Variants in SYT8 observed in about 807,000 individuals in gnomAD.
The protein encoded by SYT8 is synaptotagmin 8, also known as synaptotagmin-8.
A neutral mutation model predicts 34.9 loss-of-function variants in SYT8; 50 were observed. That is an observed-to-expected ratio of 1.43 (90% CI 1.14 to 1.81). SYT8 has a LOEUF of 1.81. Ranked by LOEUF, SYT8 falls within the 40% of genes most tolerant of loss-of-function variation. SYT8 has a pLI of 0.00. For synonymous variants in SYT8, 255 were observed against 234.2 expected (o/e 1.09, Z -0.81); for missense variants, 595 against 529.0 (o/e 1.12, Z -1.22).
In SYT8 at chr11:1,836,288, A is replaced by G. The variant is rs1405348100; in HGVS notation, c.516+4A>G. The G allele has an allele frequency of 7.1e-6, 11 of 1,538,490 alleles. No homozygotes were observed. Among genetic ancestry groups the G allele is most frequent in the Middle Eastern group, 1.7e-4 (1 of 5,760 alleles). ...TGACGAGACCTGCTGCTTCCACGTG[A>G]GTCAGGGATGGTCGGCTGGGTGGGC... On this transcript the variant is annotated splice_donor_region_variant and intron_variant, in intron 4 of 7. Transcript: ENST00000341958.
In SYT8 at chr11:1,837,090, G is replaced by C. The variant is rs751561185; in HGVS notation, c.924G>C (p.Gln308His). Residue 308 changes from glutamine to histidine, a missense_variant and splice_region_variant, in exon 7 of 8, where the codon CAG becomes CAC. Gln to His is a conservative substitution (Grantham distance 24). Coordinates refer to ENST00000341958, the MANE Select transcript of SYT8 (RefSeq NM_001394072.1). The stretch of plus-strand genomic sequence containing the variant: ...TCCTGGTGCCCTTCAGCCAGGTCCA[G>C]GTGGGCCACCGGGAGGCAGGGGCAG... ...FTFLVPFSQV[Q>H]NVDLVLAVWD... is the part of the protein sequence containing the mutation. The C allele has an allele frequency of 1.2e-6, 2 of 1,613,478 alleles. No homozygotes were observed. Among genetic ancestry groups the C allele is most frequent in the East Asian group, 2.2e-5 (1 of 44,892 alleles).
rs1846980925 is a variant in SYT8 at position 1,837,018 on chromosome 11, C to T, written c.852C>T (p.Ala284=). 1 of 1,613,744 alleles carries T rather than the reference C, an allele frequency of 6.2e-7. No individual in the cohort carries two copies. The highest frequency in any genetic ancestry group is 1.7e-5 in the Admixed American group (1 of 60,012). ...NQRKWKKRKT[A]TKKGTAAPYF... The stretch of plus-strand genomic sequence containing the variant: ...GGAAGTGGAAGAAGAGAAAGACAGC[C>T]ACCAAAAAGGGCACGGCGGCCCCCT... The change falls in exon 7 of 8, where the codon GCC becomes GCT. Residue 284 remains alanine, a synonymous_variant. Transcript: ENST00000341958.
chr11:1,835,812 G>T (rs907605), intron 2 of SYT8, 74 bp from the exon 3 acceptor site: 684,799 of 1,320,532 alleles, frequency 0.52, 183,765 homozygotes, highest in South Asian at 0.58. Context: ...GTCATGCAAG[G>T]GCTGCCCGGG....
Position 1,836,539 on chromosome 11 carries a change from C to G in SYT8, c.631C>G (p.Leu211Val), listed in dbSNP as rs1846945957. 1 of 1,612,632 alleles carries G rather than the reference C, an allele frequency of 6.2e-7. No individual in the cohort carries two copies. Among genetic ancestry groups the G allele is most frequent in the African/African-American group, 1.3e-5 (1 of 74,950 alleles). Residue 211 changes from leucine to valine, a missense_variant, in exon 5 of 8, where the codon CTG (leucine) becomes GTG (valine). Physicochemically the swap from Leu to Val is conservative, Grantham distance 32. Transcript: ENST00000341958. ...ELRLPLGTVD[L>V]QHVLEHWYLL... ...CCGTCTGCCACTGGGCACCGTGGAT[C>G]TGCAGCATGTTCTGGAGCACTGGTA...
intron 1 of SYT8, 33 bp from the exon 2 acceptor site, chr11:1,835,263 C>T (rs1210407386): frequency 1.2e-6 from 2 of 1,603,108 alleles, no homozygotes; most frequent in East Asian, 4.5e-5. Context: ...CTGCAGCTGT[C>T]CACAGATGCA....
At chr11:1,835,820 G>C (rs151145287) in intron 2 of SYT8, 66 bp from the exon 3 acceptor site, 16 of 1,404,658 alleles carry the variant, frequency 1.1e-5, no homozygotes, top group Non-Finnish European at 1.2e-5. Context: ...AGGGCTGCCC[G>C]GGAGCCCAGG....
At chr11:1,834,621 C>T (rs377032962), upstream of SYT8, 301 of 1,583,788 alleles carry the variant, frequency 1.9e-4, no homozygotes, top group Non-Finnish European at 2.4e-4. This position sits in a 1 kb window ranked among gnomAD's most constrained non-coding sequence, Gnocchi z 4.5. Context: ...AGCTGTGGTG[C>T]GTGCTGGGGT....
intron 7 of SYT8, 21 bp from the exon 8 acceptor site, chr11:1,837,171 C>A: frequency 1.3e-6 from 2 of 1,586,300 alleles, no homozygotes; most frequent in South Asian, 1.1e-5. Flanking sequence ...CAACTCCAAC[C>A]TCTGGCCTGT....
At position 1,835,113 on chromosome 11, in the gene SYT8, ACCC is replaced by A; in HGVS notation, c.9_11del (p.His3_Pro4delinsGln). ...AACCAGCAGGGTAGAAAGATGGGGC[ACCC>A]ACCAGTCTCTCCCAGTGCCCCGGCC... On this transcript the variant is annotated inframe_deletion, in exon 1 of 8. Transcript: ENST00000341958. 1 of 1,612,976 alleles carries A rather than the reference ACCC, an allele frequency of 6.2e-7. No homozygotes were observed. The highest frequency in any genetic ancestry group is 8.5e-7 in the Non-Finnish European group (1 of 1,179,842).
At position 1,835,356 on chromosome 11, in the gene SYT8, T is replaced by C. The variant is rs1846849310; in HGVS notation, c.155T>C (p.Leu52Pro). ...GCGGGCGTCCTCCTCGTCTCCTGCC[T>C]CCTCTGTGCTGCCTGCTGCTGCTGC... ...LAAGVLLVSC[L>P]LCAACCCCRR... The change falls in exon 2 of 8, where the codon CTC (leucine) becomes CCC (proline). Residue 52 changes from leucine (L) to proline (P), a missense_variant. By Grantham distance (98) the Leu-to-Pro change is moderately conservative. Coordinates refer to ENST00000341958, the MANE Select transcript of SYT8 (RefSeq NM_001394072.1). 4 of 1,605,982 alleles carry C rather than the reference T, an allele frequency of 2.5e-6. No individual in the cohort carries two copies. The highest frequency in any genetic ancestry group is 3.4e-6 in the Non-Finnish European group (4 of 1,178,004).
upstream of SYT8, chr11:1,834,623 T>C: frequency 1.3e-6 from 2 of 1,584,326 alleles, no homozygotes; most frequent in Non-Finnish European, 1.7e-6. The surrounding 1 kb of genome is among the most constrained non-coding windows in gnomAD (Gnocchi z 4.5). Flanking sequence ...CTGTGGTGCG[T>C]GCTGGGGTAG....
Position 1,837,401 on chromosome 11 carries a change from T to TCGCCTG in SYT8, c.1142_1147dup (p.Arg381_Leu382dup), listed in dbSNP as rs1411163911. 4 of 1,604,762 alleles carry TCGCCTG rather than the reference T, an allele frequency of 2.5e-6. No individual in the cohort carries two copies. The highest frequency in any genetic ancestry group is 3.4e-6 in the Non-Finnish European group (4 of 1,179,544). On this transcript the variant is annotated inframe_insertion, in exon 8 of 8. Coordinates refer to ENST00000341958, the MANE Select transcript of SYT8 (RefSeq NM_001394072.1). ...GCATGCTGGCCCTGCAGCCCCGCCT[T>TCGCCTG]CGCCTGCGCCTGCCCTTGCCCCACT...
At chr11:1,832,429 C>CA (rs765257526), upstream of SYT8, among the ~76,000 whole-genome samples, 10 of 152,164 alleles carry the variant, frequency 6.6e-5, no homozygotes, top group Non-Finnish European at 1.3e-4. Flanking sequence ...AAGGTTTTCC[C>CA]AGCAGGGCCA....
At chr11:1,835,528 G>A (rs780119928) in intron 2 of SYT8, 69 bp downstream of exon 2, 32 of 1,570,248 alleles carry the variant, frequency 2.0e-5, no homozygotes, top group African/African-American at 2.7e-5. Flanking sequence ...GCCCAGGGCA[G>A]CGAGGCGAGT....
chr11:1,834,856 G>A, upstream of SYT8: 1 of 629,420 alleles, frequency 1.6e-6, no homozygotes, highest in Non-Finnish European at 2.8e-6. This position sits in a 1 kb window ranked among gnomAD's most constrained non-coding sequence, Gnocchi z 4.5. Context: ...GGGGGCTGCT[G>A]GGAGGTGGCT....
Position 1,834,999 on chromosome 11 carries a change from A to G in SYT8, c.-107A>G, listed in dbSNP as rs1378405625. On this transcript the variant is annotated 5_prime_UTR_variant, in exon 1 of 8. Transcript: ENST00000341958. This position sits in a 1 kb window ranked among gnomAD's most constrained non-coding sequence, Gnocchi z 4.5. ...GCCTCCTTGCCCTGGCAGACCCAGC[A>G]CTGGCTGCTGCTAGTCAGATGGGGT... The G allele has an allele frequency of 8.4e-7, 1 of 1,193,388 alleles. No individual in the cohort carries two copies. The highest frequency in any genetic ancestry group is 2.4e-5 in the East Asian group (1 of 42,272). The allele number at this position is 1,193,388 out of a possible 1,614,324, so 73.9% of individuals were successfully genotyped here. A position where few individuals can be genotyped will look rare whatever the true frequency, so the allele number is the denominator to read the frequency against.
chr11:1,835,862 GC>G, intron 2 of SYT8, 23 bp from the exon 3 acceptor site: 1 of 1,596,864 alleles, frequency 6.3e-7, no homozygotes. Flanking sequence ...AGCACCACCT[GC>G]CCCTTGTCCC....
At chr11:1,834,851 C>T (rs1275939556), upstream of SYT8, 4 of 630,578 alleles carry the variant, frequency 6.3e-6, no homozygotes, top group Non-Finnish European at 8.3e-6. This position sits in a 1 kb window ranked among gnomAD's most constrained non-coding sequence, Gnocchi z 4.5. Context: ...GGGCTGGGGG[C>T]TGCTGGGAGG....
upstream of SYT8, chr11:1,833,796 T>C (rs1183085651): frequency 1.3e-5 from 2 of 152,808 alleles, no homozygotes; most frequent in African/African-American, 4.9e-5. Flanking sequence ...GAGTGGGGCA[T>C]TGATGCTGTG....
Sources: allele counts gnomAD v4.1 joint callset (sites outside exome capture counted in the v4.1 genomes callset), GRCh38; gene constraint gnomAD v4.1.1; non-coding constraint Gnocchi (gnomAD v3.1); transcripts MANE v1.5; gene names NCBI Gene and HGNC (gene_info 2026-07-23, HGNC 2026-07-21).